RAD23B: variants seen among roughly 807,000 people sequenced by gnomAD.
The protein encoded by RAD23B is lysine-specific demethylase RAD23B.
Under a neutral mutation model 49.1 loss-of-function variants are expected in RAD23B, and 5 were observed. The ratio of observed to expected loss-of-function variants is 0.10; its 90% CI spans 0.05 to 0.21. RAD23B has a LOEUF of 0.21. Ranked by LOEUF, RAD23B falls within the 10% of genes least tolerant of loss-of-function variation. The pLI, the probability that RAD23B is intolerant of heterozygous loss-of-function variation, is 1.00. For synonymous variants in RAD23B, 184 were observed against 165.4 expected (o/e 1.11, Z -0.86); for missense variants, 356 against 486.7 (o/e 0.73, Z 2.53).
intron 5 of RAD23B, among the ~76,000 whole-genome samples, chr9:107,312,869 G>A (rs1826916239): frequency 1.3e-5 from 2 of 152,240 alleles, no homozygotes; most frequent in Non-Finnish European, 2.9e-5. Flanking sequence ...GGTCACTGCT[G>A]CTGCAGCTGG....
rs749317451 is a variant in RAD23B, at chr9:107,331,392, A to G, written c.*1736A>G. 75 of 319,590 alleles carry G rather than the reference A, an allele frequency of 2.3e-4. No homozygotes were observed. The highest frequency in any genetic ancestry group is 3.1e-4 in the Non-Finnish European group (55 of 175,106). The allele number at this position is 319,590 out of a possible 1,614,324, so 19.8% of individuals were successfully genotyped here. On this transcript the variant is annotated 3_prime_UTR_variant, in exon 10 of 10. Transcript: ENST00000358015. ...GTGGCGCACGCCTGTGGTCCCAGCTACTTGGGAGGCTGAGGCATGAGAATT... is the reference window on the plus strand; with the variant it reads ...GTGGCGCACGCCTGTGGTCCCAGCTGCTTGGGAGGCTGAGGCATGAGAATT...
Position 107,315,600 on chromosome 9 carries a change from G to T in RAD23B, c.554-3152G>T, listed in dbSNP as rs908408692. ...ACAGTCTCAGCTCACTGCAACCTCC[G>T]CCTCTTAGGTTCAAGAAATTCTCCT... On this transcript the variant is annotated intron_variant, in intron 5 of 9. Transcript: ENST00000358015. 2.0e-5 allele frequency among the ~76,000 whole-genome samples: 3 copies of T among 152,114 alleles called. No homozygotes were observed. In the East Asian group the frequency reaches 5.8e-4, roughly 29 times the overall value.
chr9:107,304,651 A>G (rs1441727475), intron 3 of RAD23B, among the ~76,000 whole-genome samples: 1 of 152,210 alleles, frequency 6.6e-6, no homozygotes, highest in Non-Finnish European at 1.5e-5. Flanking sequence ...GTGGCAAATT[A>G]TGTTGAATTT....
intron 4 of RAD23B, 77 bp from the exon 5 acceptor site, chr9:107,311,605 T>C (rs1826888061): frequency 1.0e-6 from 1 of 957,438 alleles, no homozygotes; most frequent in Non-Finnish European, 1.5e-6. Flanking sequence ...TGTTTACCAA[T>C]TGGATAGTTA....
At chr9:107,297,502 GGCT>G (rs1405989913) in intron 1 of RAD23B, among the ~76,000 whole-genome samples, 1 of 151,858 alleles carries the variant, frequency 6.6e-6, no homozygotes, top group Non-Finnish European at 1.5e-5. Context: ...CACCATGCCC[GGCT>G]AATTTTTGTA....
rs539177608 is a variant in RAD23B at position 107,329,670 on chromosome 9, A to G, written c.*14A>G. The G allele has an allele frequency of 5.1e-4, 782 of 1,544,812 alleles. 7 individuals carry two copies. In the South Asian group the frequency reaches 7.8e-3, roughly 15 times the overall value. On this transcript the variant is annotated 3_prime_UTR_variant, in exon 10 of 10. Transcript: ENST00000358015. ...GATGAAGATTGAAAGGGACTTTTTT[A>G]TATCTCACACTTCACACCAGTGCAT... is the stretch of plus-strand genomic sequence containing the variant.
intron 1 of RAD23B, among the ~76,000 whole-genome samples, chr9:107,298,474 A>ATTTTTTTTTTTTTTTT (rs35923233): frequency 3.8e-5 from 2 of 53,122 alleles, no homozygotes; most frequent in African/African-American, 1.0e-4. Flanking sequence ...TGCTTGGCTA[A>ATTTTTTTTTTTTTTTT]TTTTTTTTTT....
chr9:107,311,733 A>G lies in RAD23B; in HGVS notation c.549A>G (p.Ala183=). The part of the protein sequence containing the change: ...RSNLFEDATS[A]LVTGQSYENM... ...ACCTTTTTGAAGATGCAACGAGTGC[A>G]CTTGGTAAGTATCTGCTTTTCCTTA... The change falls in exon 5 of 10, where the codon GCA becomes GCG. Residue 183 remains alanine, a synonymous_variant. Transcript: ENST00000358015. 2 of 1,570,370 alleles carry G rather than the reference A, an allele frequency of 1.3e-6. No homozygotes were observed. Among genetic ancestry groups the G allele is most frequent in the South Asian group, 1.2e-5 (1 of 82,606 alleles).
At chr9:107,284,985 A>G (rs774321330) in intron 1 of RAD23B, 3 of 1,287,814 alleles carry the variant, frequency 2.3e-6, no homozygotes, top group Non-Finnish European at 2.0e-6. Context: ...GTGGAGATAC[A>G]GTGTTACGTT....
chr9:107,288,224 A>G (rs1307905301), intron 1 of RAD23B, among the ~76,000 whole-genome samples: 1 of 152,164 alleles, frequency 6.6e-6, no homozygotes, highest in Non-Finnish European at 1.5e-5. Context: ...CAAAGCAGTG[A>G]TCCCCCAACG....
At chr9:107,289,811 G>A (rs1833346723) in intron 1 of RAD23B, among the ~76,000 whole-genome samples, 1 of 152,140 alleles carries the variant, frequency 6.6e-6, no homozygotes, top group South Asian at 2.1e-4. Context: ...ACAGTGCTTG[G>A]CAATGTGGTA....
At position 107,329,776 on chromosome 9, in the gene RAD23B, G is replaced by T. The variant is rs1827274532; in HGVS notation, c.*120G>T. On this transcript the variant is annotated 3_prime_UTR_variant, in exon 10 of 10. Transcript: ENST00000358015. ...CTTGGTATAAGGTAGTAGATTGTTGGGGGTGGGGAGGGAGGGATCTAGGAT... is the reference window on the plus strand; with the variant it reads ...CTTGGTATAAGGTAGTAGATTGTTGTGGGTGGGGAGGGAGGGATCTAGGAT... The T allele has an allele frequency of 7.3e-6, 4 of 549,104 alleles. No individual in the cohort carries two copies. The South Asian group carries it at 1.0e-4, about 14-fold the overall frequency. The allele number at this position is 549,104 out of a possible 1,614,324, so 34.0% of individuals were successfully genotyped here. A position where few individuals can be genotyped will look rare whatever the true frequency, so the allele number is the denominator to read the frequency against.
intron 1 of RAD23B, among the ~76,000 whole-genome samples, chr9:107,290,840 C>T (rs1408969723): frequency 6.6e-6 from 1 of 152,106 alleles, no homozygotes; most frequent in African/African-American, 2.4e-5. Context: ...CAATTTTGAA[C>T]AGTGTGTAAA....
intron 5 of RAD23B, among the ~76,000 whole-genome samples, chr9:107,316,339 T>C (rs1323618200): frequency 2.0e-5 from 3 of 152,346 alleles, no homozygotes; most frequent in Admixed American, 6.5e-5. Context: ...CTCCAAGCTG[T>C]ACCCTCCTCA....
At chr9:107,304,187 G>C (rs1477255200) in intron 3 of RAD23B, among the ~76,000 whole-genome samples, 1 of 152,138 alleles carries the variant, frequency 6.6e-6, no homozygotes, top group East Asian at 1.9e-4. Flanking sequence ...AGAAGGGCTT[G>C]GTACTGTTTA....
At chr9:107,319,501 A>G (rs916350583) in intron 6 of RAD23B, among the ~76,000 whole-genome samples, 6 of 152,200 alleles carry the variant, frequency 3.9e-5, no homozygotes, top group African/African-American at 1.4e-4. Flanking sequence ...ATAAGTTGCC[A>G]GCTTTTTAAA....
intron 4 of RAD23B, 92 bp downstream of exon 4, chr9:107,306,739 ACTATAT>A (rs1431900939): frequency 2.6e-5 from 36 of 1,371,638 alleles, no homozygotes; most frequent in Non-Finnish European, 3.3e-5. Context: ...GATCAAACCG[ACTATAT>A]CTATTACGTT....
At position 107,318,808 on chromosome 9, in the gene RAD23B, C is replaced by A; in HGVS notation, c.610C>A (p.Arg204=). ...TGAGATCATGTCAATGGGCTATGAA[C>A]GAGAGCAAGTAATTGCAGCCCTGAG... ...VTEIMSMGYE[R]EQVIAALRAS... The change falls in exon 6 of 10, where the codon CGA becomes AGA. Residue 204 remains arginine (R), a synonymous_variant. Coordinates refer to ENST00000358015, the MANE Select transcript of RAD23B (RefSeq NM_002874.5). The surrounding 1 kb of genome is among the most constrained non-coding windows in gnomAD (Gnocchi z 4.3). 6.2e-7 allele frequency: 1 copy of A among 1,613,346 alleles called. No homozygotes were observed. The highest frequency in any genetic ancestry group is 1.3e-5 in the African/African-American group (1 of 74,976).
At position 107,331,689 on chromosome 9, in the gene RAD23B, CAAAAA is replaced by C. The variant is rs3056494; in HGVS notation, c.*2041_*2045del. The C allele has an allele frequency of 8.0e-5, 56 of 700,110 alleles. No homozygotes were observed. Among genetic ancestry groups the C allele is most frequent in the African/African-American group, 4.1e-4 (23 of 55,722 alleles). 43.4% of individuals were successfully genotyped at this position (700,110 alleles called of 1,614,324 possible). ...CTCAGATCATAGTGAAAACTGGAAACAAAAAAAAAAAACAGCCTCTTCTTGGAAAG... is the reference window on the plus strand; with the variant it reads ...CTCAGATCATAGTGAAAACTGGAAACAAAAAAACAGCCTCTTCTTGGAAAG... On this transcript the variant is annotated 3_prime_UTR_variant, in exon 10 of 10. Coordinates refer to ENST00000358015, the MANE Select transcript of RAD23B (RefSeq NM_002874.5).
Sources: allele counts gnomAD v4.1 joint callset (sites outside exome capture counted in the v4.1 genomes callset), GRCh38; gene constraint gnomAD v4.1.1; non-coding constraint Gnocchi (gnomAD v3.1); transcripts MANE v1.5; gene names NCBI Gene and HGNC (gene_info 2026-07-23, HGNC 2026-07-21).